SPART: variants seen among roughly 807,000 people sequenced by gnomAD.
SPART encodes the protein spartin, also known as spastic paraplegia 20 (Troyer syndrome).
In SPART, 35 loss-of-function variants were observed where a neutral mutation model predicts 58.7. The observed-to-expected ratio is 0.60, with a 90% CI of 0.46 to 0.79. SPART has a LOEUF of 0.79. Ranked by LOEUF, SPART falls within the 30% of genes least tolerant of loss-of-function variation. SPART has a pLI of 0.00. For synonymous variants in SPART, 284 were observed against 280.7 expected (o/e 1.01, Z -0.12); for missense variants, 730 against 786.1 (o/e 0.93, Z 0.85).
intron 5 of SPART, chr13:36,326,114 G>A (rs1482807545): frequency 5.0e-6 from 1 of 199,612 alleles, no homozygotes; most frequent in African/African-American, 2.4e-5. Flanking sequence ...TAATCCCATT[G>A]ATGAGGGCTC....
upstream of SPART, among the ~76,000 whole-genome samples, chr13:36,350,308 C>T (rs116792368): frequency 6.6e-6 from 1 of 152,310 alleles, no homozygotes; most frequent in African/African-American, 2.4e-5. Context: ...ACAGATGGAG[C>T]TCTTTCAGTC....
At chr13:36,344,777 AAAGTT>A (rs1245334495) in intron 1 of SPART, among the ~76,000 whole-genome samples, 2 of 152,214 alleles carry the variant, frequency 1.3e-5, no homozygotes, top group Non-Finnish European at 2.9e-5. Flanking sequence ...TTTAATTTTC[AAAGTT>A]AAGAAGACAA....
chr13:36,345,965 T>C (rs1566142503), intron 1 of SPART, among the ~76,000 whole-genome samples: 1 of 152,134 alleles, frequency 6.6e-6, no homozygotes, highest in Non-Finnish European at 1.5e-5. Context: ...TAACAGTCCA[T>C]GGGTTAAGAG....
intron 1 of SPART, chr13:36,336,328 T>G (rs1221395977): frequency 6.5e-6 from 1 of 154,634 alleles, no homozygotes; most frequent in Non-Finnish European, 1.4e-5. Flanking sequence ...CACACAGCCC[T>G]GTTGCTTCCC....
rs748865622 is a variant in SPART, at chr13:36,335,054, AT to A, written c.776del (p.Asp259ValfsTer4). ...ACCCGGGAGGACGGTTTAGAACCGT[AT>A]CGAGAGAATTATCCAAAAACCTCAC... ...RIVRFLDNSL[D>X]TVLNRPPGFL... On this transcript the variant is annotated frameshift_variant, in exon 2 of 9. Transcript: ENST00000438666. LOFTEE classifies it high-confidence loss of function. 6 of 1,614,056 alleles carry A rather than the reference AT, an allele frequency of 3.7e-6. No individual in the cohort carries two copies. The African/African-American group carries it at 8.0e-5, about 22-fold the overall frequency.
chr13:36,350,465 G>A (rs986299729), upstream of SPART, among the ~76,000 whole-genome samples: 12 of 152,242 alleles, frequency 7.9e-5, no homozygotes, highest in African/African-American at 2.9e-4. Context: ...CTGCTAAAAA[G>A]CATTTCATAG....
At chr13:36,318,924 T>C (rs151044575) in intron 5 of SPART, among the ~76,000 whole-genome samples, 13,651 of 152,112 alleles carry the variant, frequency 0.09, 778 homozygotes, top group Middle Eastern at 0.13. Context: ...AGACTGACAC[T>C]GCCCGATCGC....
chr13:36,329,420 A>AC lies in SPART; in HGVS notation c.1105dup (p.Val369GlyfsTer9). On this transcript the variant is annotated frameshift_variant, in exon 4 of 9. Transcript: ENST00000438666. LOFTEE classifies it high-confidence loss of function. ...CTTATTGCCTTGGTCCAACTGTTTC[A>AC]CATCAGTGCCAGAGGCTTCTTTTAG... 6.2e-7 allele frequency: 1 copy of AC among 1,614,132 alleles called. No homozygotes were observed. The highest frequency in any genetic ancestry group is 1.7e-5 in the Admixed American group (1 of 60,022).
chr13:36,356,428 C>G (rs1398479088), intron 1 of SPART, among the ~76,000 whole-genome samples: 2 of 152,198 alleles, frequency 1.3e-5, no homozygotes, highest in Non-Finnish European at 2.9e-5. Context: ...AACCTATTCT[C>G]TCTGAAGTCT....
intron 5 of SPART, among the ~76,000 whole-genome samples, chr13:36,316,585 T>C (rs200838036): frequency 0.24 from 36,132 of 151,458 alleles, 4,756 homozygotes; most frequent in East Asian, 0.51. Context: ...CACTCCTACC[T>C]GACAGAGAAC....
chr13:36,329,722 G>A (rs1004712501), intron 3 of SPART, among the ~76,000 whole-genome samples: 1 of 152,124 alleles, frequency 6.6e-6, no homozygotes, highest in Non-Finnish European at 1.5e-5. Flanking sequence ...TTGGTTCATA[G>A]CATATGCCTA....
chr13:36,360,252 G>C (rs1043436985), intron 1 of SPART, among the ~76,000 whole-genome samples: 1 of 6,810 alleles, frequency 1.5e-4, no homozygotes, highest in African/African-American at 1.6e-3. Context: ...CCAAGATTGC[G>C]CCACTGCACT....
chr13:36,326,536 A>G, intron 5 of SPART, 39 bp downstream of exon 5: 1 of 1,611,074 alleles, frequency 6.2e-7, no homozygotes, highest in South Asian at 1.1e-5. Flanking sequence ...CCAAAGGCTT[A>G]ATGTCATACA....
At chr13:36,345,719 G>A (rs1202044603) in intron 1 of SPART, 1 of 152,188 alleles carries the variant, frequency 6.6e-6, no homozygotes, top group African/African-American at 2.4e-5. Flanking sequence ...AGAATGTATT[G>A]TAAAGAGTAA....
intron 5 of SPART, among the ~76,000 whole-genome samples, chr13:36,316,749 C>T (rs1273933929): frequency 1.3e-5 from 2 of 152,168 alleles, no homozygotes; most frequent in Non-Finnish European, 2.9e-5. Flanking sequence ...GTTTGGTGGT[C>T]TCTTCACACA....
intron 1 of SPART, among the ~76,000 whole-genome samples, chr13:36,341,014 C>T (rs560305043): frequency 2.0e-5 from 3 of 152,086 alleles, no homozygotes; most frequent in South Asian, 2.1e-4. Flanking sequence ...TATGTGCATG[C>T]GACAAAGGAT....
Position 36,367,739 on chromosome 13 carries a change from C to T in SPART, c.-3+2350G>A, listed in dbSNP as rs576878929. ...CGGTCTTGTTAGCTAAGCAAGTGAG[C>T]GGGAAGCAGGGCTTCTATTCACAGG... is the stretch of plus-strand genomic sequence containing the variant. On this transcript the variant is annotated intron_variant, in intron 1 of 8. Transcript: ENST00000355182. 1.1e-3 allele frequency among the ~76,000 whole-genome samples: 162 copies of T among 152,228 alleles called. No homozygotes were observed. The Middle Eastern group carries it at 0.014, about 13-fold the overall frequency.
chr13:36,339,827 G>A (rs774661900), intron 1 of SPART, among the ~76,000 whole-genome samples: 1 of 152,108 alleles, frequency 6.6e-6, no homozygotes, highest in South Asian at 2.1e-4. Context: ...AGCACTTTAG[G>A]AGACTGAGAC....
Position 36,339,464 on chromosome 13 carries a change from G to A in SPART, c.-2-3632C>T, listed in dbSNP as rs533497655. ...AGCCTGACCAATATGGTGAAACCCC[G>A]TCTAAAAATACAAAAAAATTTCCAG... On this transcript the variant is annotated intron_variant, in intron 1 of 8. Coordinates refer to ENST00000438666, the MANE Select transcript of SPART (RefSeq NM_015087.5). 1.8e-3 allele frequency among the ~76,000 whole-genome samples: 268 copies of A among 151,238 alleles called. 1 individual carries two copies. The highest frequency in any genetic ancestry group is 3.1e-3 in the Non-Finnish European group (212 of 67,736).
Sources: gnomAD v4.1 joint callset for allele counts (sites outside exome capture counted in the v4.1 genomes callset) on GRCh38, gnomAD v4.1.1 for gene constraint, MANE v1.5 for transcripts, NCBI Gene and HGNC (gene_info 2026-07-23, HGNC 2026-07-21) for gene names.